Variants in KCNN2 observed in about 807,000 individuals in gnomAD.
KCNN2 encodes the protein small conductance calcium-activated potassium channel protein 2.
Under a neutral mutation model 55.5 loss-of-function variants are expected in KCNN2, and 24 were observed. That is an observed-to-expected ratio of 0.43 (90% CI 0.31 to 0.61). The LOEUF is 0.61. Among genes scored for constraint, KCNN2 ranks in the 20% least tolerant of loss-of-function variants. The pLI is 0.08. For missense variants in KCNN2, 754 were observed against 853.6 expected, an observed-to-expected ratio of 0.88 and a Z score of 1.45; for synonymous variants, 431 against 336.1, an observed-to-expected ratio of 1.28 and a Z score of -3.09.
intron 4 of KCNN2, among the ~76,000 whole-genome samples, chr5:114,470,925 G>C (rs560069081): frequency 2.0e-5 from 3 of 152,240 alleles, no homozygotes; most frequent in Middle Eastern, 6.8e-3. Flanking sequence ...ACAGCTCTCA[G>C]CACTAGGATT....
At chr5:114,292,456 C>A (rs1237445189) in intron 2 of KCNN2, among the ~76,000 whole-genome samples, 1 of 152,184 alleles carries the variant, frequency 6.6e-6, no homozygotes, top group Non-Finnish European at 1.5e-5. Context: ...GGAATCCTTT[C>A]CCCATTGCTT....
chr5:114,380,394 T>G (rs1041478612), intron 2 of KCNN2, among the ~76,000 whole-genome samples: 1 of 152,214 alleles, frequency 6.6e-6, no homozygotes, highest in Non-Finnish European at 1.5e-5. Flanking sequence ...CATTTCATGG[T>G]GACAGTCTGT....
intron 1 of KCNN2, among the ~76,000 whole-genome samples, chr5:114,084,415 T>A (rs1354214249): frequency 6.6e-6 from 1 of 152,102 alleles, no homozygotes; most frequent in Non-Finnish European, 1.5e-5. Context: ...ATGCAATTTC[T>A]TAATGCCATG....
chr5:114,173,927 C>CT (rs541561408), intron 1 of KCNN2, among the ~76,000 whole-genome samples: 53 of 151,472 alleles, frequency 3.5e-4, no homozygotes, highest in South Asian at 2.5e-3. Context: ...TTAATTTTTA[C>CT]TTTTTTTTGC....
At chr5:114,171,098 C>T (rs6594788) in intron 1 of KCNN2, among the ~76,000 whole-genome samples, 64,902 of 151,684 alleles carry the variant, frequency 0.43, 14,350 homozygotes, top group East Asian at 0.72. Flanking sequence ...TTCTGATGTT[C>T]CACTGTTTTC....
intron 1 of KCNN2, among the ~76,000 whole-genome samples, chr5:114,131,356 C>A (rs1461655456): frequency 6.6e-6 from 1 of 152,118 alleles, no homozygotes; most frequent in Non-Finnish European, 1.5e-5. Flanking sequence ...TGTTCAGCTC[C>A]CACTTATAAG....
At chr5:114,377,790 A>G (rs1757988329) in intron 2 of KCNN2, among the ~76,000 whole-genome samples, 1 of 152,192 alleles carries the variant, frequency 6.6e-6, no homozygotes, top group Admixed American at 6.5e-5. Flanking sequence ...GGAAATGATC[A>G]TTGTACCTAT....
chr5:114,309,067 T>G (rs1756345801), intron 2 of KCNN2, among the ~76,000 whole-genome samples: 1 of 152,224 alleles, frequency 6.6e-6, no homozygotes, highest in South Asian at 2.1e-4. Flanking sequence ...AAAATTAAAT[T>G]AATCTTACTG....
At chr5:114,145,080 G>C (rs1752370373) in intron 1 of KCNN2, among the ~76,000 whole-genome samples, 1 of 152,186 alleles carries the variant, frequency 6.6e-6, no homozygotes, top group Admixed American at 6.5e-5. Context: ...TGAATGTTCA[G>C]GTCCTAAGTG....
chr5:114,127,496 C>T (rs143578302), intron 1 of KCNN2, among the ~76,000 whole-genome samples: 2,008 of 152,260 alleles, frequency 0.013, 23 homozygotes, highest in Non-Finnish European at 0.021. Context: ...ATGCAGGGCA[C>T]CAAGTCGCTA....
intron 3 of KCNN2, among the ~76,000 whole-genome samples, chr5:114,422,770 A>G (rs957240484): frequency 1.3e-5 from 2 of 152,170 alleles, no homozygotes; most frequent in East Asian, 3.9e-4. Flanking sequence ...TTTTGAGCAA[A>G]TGTGGGCAGA....
intron 2 of KCNN2, among the ~76,000 whole-genome samples, chr5:114,234,308 C>G (rs1014891277): frequency 2.0e-5 from 3 of 152,012 alleles, no homozygotes; most frequent in African/African-American, 7.3e-5. Context: ...TCAGAATTTC[C>G]AATAAACAGA....
intron 2 of KCNN2, among the ~76,000 whole-genome samples, chr5:114,266,983 C>A (rs987496089): frequency 1.5e-5 from 2 of 131,016 alleles, no homozygotes; most frequent in Non-Finnish European, 1.6e-5. Context: ...CACGAACACC[C>A]CTTCCCTCCT....
At chr5:114,345,496 G>C (rs1181753293) in intron 2 of KCNN2, among the ~76,000 whole-genome samples, 1 of 152,182 alleles carries the variant, frequency 6.6e-6, no homozygotes, top group African/African-American at 2.4e-5. Context: ...AAATCAACCA[G>C]GATGTAGGTG....
At chr5:114,258,970 G>A (rs920837584) in intron 2 of KCNN2, among the ~76,000 whole-genome samples, 2 of 152,150 alleles carry the variant, frequency 1.3e-5, no homozygotes, top group Non-Finnish European at 2.9e-5. Context: ...CCCTTAAAGC[G>A]CTAGAAAAGC....
At chr5:114,072,854 A>G (rs1750605410) in intron 1 of KCNN2, among the ~76,000 whole-genome samples, 1 of 152,250 alleles carries the variant, frequency 6.6e-6, no homozygotes, top group South Asian at 2.1e-4. Flanking sequence ...ACAAGTGAAT[A>G]TTTTAAAGTT....
intron 2 of KCNN2, among the ~76,000 whole-genome samples, chr5:114,313,457 T>C (rs1484041269): frequency 6.6e-6 from 1 of 152,144 alleles, no homozygotes; most frequent in Non-Finnish European, 1.5e-5. Flanking sequence ...TATTACATTA[T>C]ATTCTTTTGC....
intron 4 of KCNN2, among the ~76,000 whole-genome samples, chr5:114,469,166 T>C (rs1010886356): frequency 3.9e-5 from 6 of 152,184 alleles, no homozygotes; most frequent in African/African-American, 1.4e-4. Flanking sequence ...CATTTGTCTG[T>C]TCAGTTTAAT....
At chr5:114,150,721 A>C (rs1274331715) in intron 1 of KCNN2, among the ~76,000 whole-genome samples, 1 of 152,180 alleles carries the variant, frequency 6.6e-6, no homozygotes, top group East Asian at 1.9e-4. Flanking sequence ...GCAGCTTCTT[A>C]TAAAAACCAA....
Sources: gnomAD v4.1 joint callset for allele counts (sites outside exome capture counted in the v4.1 genomes callset) on GRCh38, gnomAD v4.1.1 for gene constraint, MANE v1.5 for transcripts, NCBI Gene and HGNC (gene_info 2026-07-23, HGNC 2026-07-21) for gene names.